Variants in CHST12 observed in about 807,000 individuals in gnomAD.
The protein encoded by CHST12 is carbohydrate (chondroitin 4) sulfotransferase 12.
A neutral mutation model predicts 27.9 loss-of-function variants in CHST12; 23 were observed. The observed-to-expected ratio is 0.82, with a 90% CI of 0.59 to 1.17. CHST12 has a LOEUF of 1.17. CHST12 is among the 50% of genes most tolerant of loss of function. The pLI is 0.00. For synonymous variants in CHST12, 322 were observed against 273.0 expected (o/e 1.18, Z -1.77); for missense variants, 682 against 603.0 (o/e 1.13, Z -1.37).
chr7:2,417,150 G>C (rs1409399873), intron 1 of CHST12, among the ~76,000 whole-genome samples: 1 of 152,016 alleles, frequency 6.6e-6, no homozygotes, highest in East Asian at 1.9e-4. Flanking sequence ...TCCAGTCTGA[G>C]ACGGAGTCCA....
chr7:2,417,005 T>C (rs984741152), intron 1 of CHST12, among the ~76,000 whole-genome samples: 1 of 152,214 alleles, frequency 6.6e-6, no homozygotes, highest in African/African-American at 2.4e-5. Flanking sequence ...ACTTTCCCTT[T>C]AGCTTGGTGA....
chr7:2,433,757 C>T lies in CHST12; in HGVS notation c.1118C>T (p.Ala373Val), dbSNP rs1365891956. Residue 373 changes from alanine (A) to valine (V), a missense_variant, in exon 2 of 2, where the codon GCC becomes GTC. Ala to Val is a moderately conservative substitution (Grantham distance 64). Transcript: ENST00000618655. The surrounding 1 kb of genome is among the most constrained non-coding windows in gnomAD (Gnocchi z 6.1). Reference sequence around the variant, plus strand: ...CCCCCGAGCTACCGGAACAGGACCGCCAGCAGCTGGGAGGAGGACTGGTTC... The same window carrying T: ...CCCCCGAGCTACCGGAACAGGACCGTCAGCAGCTGGGAGGAGGACTGGTTC... Reference protein sequence around the residue: ...RFPPSYRNRTASSWEEDWFAK... With the variant: ...RFPPSYRNRTVSSWEEDWFAK... 1 of 1,614,008 alleles carries T rather than the reference C, an allele frequency of 6.2e-7. No homozygotes were observed. Among genetic ancestry groups the T allele is most frequent in the African/African-American group, 1.3e-5 (1 of 75,048 alleles).
At chr7:2,424,814 C>T (rs1782066662) in intron 1 of CHST12, among the ~76,000 whole-genome samples, 1 of 152,290 alleles carries the variant, frequency 6.6e-6, no homozygotes, top group Non-Finnish European at 1.5e-5. Flanking sequence ...CCACAGAGCT[C>T]CCCTTCCACA....
intron 1 of CHST12, among the ~76,000 whole-genome samples, chr7:2,405,790 A>G (rs550864519): frequency 6.6e-6 from 1 of 152,278 alleles, no homozygotes; most frequent in Non-Finnish European, 1.5e-5. Flanking sequence ...GTGGGAGAGG[A>G]AGGGCCACAC....
chr7:2,413,582 T>G (rs975755718), intron 1 of CHST12, among the ~76,000 whole-genome samples: 19 of 152,280 alleles, frequency 1.2e-4, no homozygotes, highest in East Asian at 1.9e-4. Flanking sequence ...AAATGTCATA[T>G]AAATGGAACC....
chr7:2,434,181 T>A lies in CHST12; in HGVS notation c.*297T>A. ...TGAGCGTGCGGGCGCCGGGAGGGGA[T>A]GCTGAGGCTGATGGAGCTGCCTCCA... On this transcript the variant is annotated 3_prime_UTR_variant, in exon 2 of 2. Coordinates refer to ENST00000618655, the MANE Select transcript of CHST12 (RefSeq NM_018641.5). 4.0e-6 allele frequency: 1 copy of A among 247,874 alleles called. No homozygotes were observed. 15.4% of individuals were successfully genotyped at this position (247,874 alleles called of 1,614,324 possible).
intron 1 of CHST12, 26 bp downstream of exon 1, chr7:2,403,699 T>C: frequency 6.7e-6 from 1 of 149,272 alleles, no homozygotes; most frequent in Non-Finnish European, 1.5e-5. Context: ...GGCGGCGGGC[T>C]CGGGGCGCGG....
Position 2,433,921 on chromosome 7 carries a change from C to A in CHST12, c.*37C>A, listed in dbSNP as rs1293976049. ...TTGCTTTTTCTCGCGTGCCTGGAAC[C>A]TGACGCACGCGCACTCCAGTTTTTT... On this transcript the variant is annotated 3_prime_UTR_variant, in exon 2 of 2. Coordinates refer to ENST00000618655, the MANE Select transcript of CHST12 (RefSeq NM_018641.5). This position sits in a 1 kb window ranked among gnomAD's most constrained non-coding sequence, Gnocchi z 6.1. 1 of 1,524,942 alleles carries A rather than the reference C, an allele frequency of 6.6e-7. No individual in the cohort carries two copies. The allele number at this position is 1,524,942 out of a possible 1,614,324, so 94.5% of individuals were successfully genotyped here. A position where few individuals can be genotyped will look rare whatever the true frequency, so the allele number is the denominator to read the frequency against.
intron 1 of CHST12, among the ~76,000 whole-genome samples, chr7:2,407,279 T>G (rs896948553): frequency 7.9e-5 from 12 of 151,224 alleles, no homozygotes; most frequent in African/African-American, 2.9e-4. Flanking sequence ...GACCCCCATC[T>G]CTACAACAAA....
At chr7:2,416,622 T>C (rs1388286425) in intron 1 of CHST12, among the ~76,000 whole-genome samples, 2 of 152,132 alleles carry the variant, frequency 1.3e-5, no homozygotes, top group Non-Finnish European at 1.5e-5. Flanking sequence ...TCTCAGTCGA[T>C]TTAGAGGTGT....
rs577634422 is a variant in CHST12 at position 2,429,601 on chromosome 7, T to C, written c.-77-2962T>C. 1.1e-3 allele frequency among the ~76,000 whole-genome samples: 164 copies of C among 152,270 alleles called. 10 individuals are homozygous for C. The highest frequency in any genetic ancestry group is 3.4e-3 in the Middle Eastern group (1 of 294). On this transcript the variant is annotated intron_variant, in intron 1 of 1. Coordinates refer to ENST00000618655, the MANE Select transcript of CHST12 (RefSeq NM_018641.5). ...ATTAGTATAGGATTATTCATTTTGGTAGTTTGTGGTTGTCAAGGAATTGGT... is the reference window on the plus strand; with the variant it reads ...ATTAGTATAGGATTATTCATTTTGGCAGTTTGTGGTTGTCAAGGAATTGGT...
chr7:2,422,172 C>G (rs961052167), intron 1 of CHST12, among the ~76,000 whole-genome samples: 2 of 152,148 alleles, frequency 1.3e-5, no homozygotes, highest in Admixed American at 1.3e-4. Flanking sequence ...CCTCGTTAGT[C>G]TTCATCTTAA....
chr7:2,433,234 C>G lies in CHST12; in HGVS notation c.595C>G (p.Pro199Ala). Reference protein sequence around the residue: ...LLHRGAPYRDPLRIPREHVHN... With the variant: ...LLHRGAPYRDALRIPREHVHN... ...GCACCGCGGTGCGCCCTACCGCGAC[C>G]CGCTGCGCATCCCGCGCGAGCACGT... Residue 199 changes from proline (P) to alanine (A), a missense_variant, in exon 2 of 2, where the codon CCG (proline) becomes GCG (alanine). Pro to Ala is a conservative substitution (Grantham distance 27). Coordinates refer to ENST00000618655, the MANE Select transcript of CHST12 (RefSeq NM_018641.5). This position sits in a 1 kb window ranked among gnomAD's most constrained non-coding sequence, Gnocchi z 6.1. 1 of 1,611,930 alleles carries G rather than the reference C, an allele frequency of 6.2e-7. No homozygotes were observed. Among genetic ancestry groups the G allele is most frequent in the South Asian group, 1.1e-5 (1 of 91,018 alleles).
chr7:2,405,687 T>C (rs953459920), intron 1 of CHST12, among the ~76,000 whole-genome samples: 1 of 152,084 alleles, frequency 6.6e-6, no homozygotes. Flanking sequence ...TGTTGCCAAA[T>C]CCACTGGGCG....
In CHST12 at chr7:2,433,718, G is replaced by A. The variant is rs947567953; in HGVS notation, c.1079G>A (p.Arg360Gln). 5 of 1,613,564 alleles carry A rather than the reference G, an allele frequency of 3.1e-6. No homozygotes were observed. The highest frequency in any genetic ancestry group is 1.3e-5 in the African/African-American group (1 of 75,046). The stretch of plus-strand genomic sequence containing the variant: ...CTGCTGCAGCTACTCCAGGTGGACC[G>A]GCAGCTCCGCTTCCCCCCGAGCTAC... ...AQLLQLLQVDRQLRFPPSYRN... is the reference protein window; with the variant it reads ...AQLLQLLQVDQQLRFPPSYRN... Residue 360 changes from arginine to glutamine, a missense_variant, in exon 2 of 2, where the codon CGG becomes CAG. Coordinates refer to ENST00000618655, the MANE Select transcript of CHST12 (RefSeq NM_018641.5). This position sits in a 1 kb window ranked among gnomAD's most constrained non-coding sequence, Gnocchi z 6.1.
intron 1 of CHST12, among the ~76,000 whole-genome samples, chr7:2,416,078 G>T (rs1194769371): frequency 6.6e-6 from 1 of 152,180 alleles, no homozygotes; most frequent in Non-Finnish European, 1.5e-5. Flanking sequence ...GCATTATCAT[G>T]TAAGTCTATG....
At chr7:2,412,759 C>G (rs1046518843) in intron 1 of CHST12, among the ~76,000 whole-genome samples, 1 of 152,340 alleles carries the variant, frequency 6.6e-6, no homozygotes, top group South Asian at 2.1e-4. Context: ...TTGTGCAAGT[C>G]TGTAGCTACT....
Position 2,447,522 on chromosome 7 carries a change from G to C in CHST12, c.*13638G>C, listed in dbSNP as rs1782784650. 1 of 152,288 alleles carries C rather than the reference G, an allele frequency of 6.6e-6. No individual in the cohort carries two copies. Among genetic ancestry groups the C allele is most frequent in the Non-Finnish European group, 1.5e-5 (1 of 68,124 alleles). The allele number at this position is 152,288 out of a possible 1,614,324, so 9.4% of individuals were successfully genotyped here. On this transcript the variant is annotated 3_prime_UTR_variant, in exon 2 of 2. Coordinates refer to ENST00000618655, the MANE Select transcript of CHST12 (RefSeq NM_018641.5). ...GAGTCTTGCTCTGTCGCCCAGGCTG[G>C]AGTGCAGTGGCACAATCTTAGCTCA...
At chr7:2,415,403 A>T (rs926997878) in intron 1 of CHST12, among the ~76,000 whole-genome samples, 4 of 152,030 alleles carry the variant, frequency 2.6e-5, no homozygotes, top group African/African-American at 9.7e-5. Context: ...ACTATACTGT[A>T]GTCTATTAAG....
Sources: gnomAD v4.1 joint callset for allele counts (sites outside exome capture counted in the v4.1 genomes callset) on GRCh38, gnomAD v4.1.1 for gene constraint, Gnocchi (gnomAD v3.1) non-coding constraint, MANE v1.5 for transcripts, NCBI Gene and HGNC (gene_info 2026-07-23, HGNC 2026-07-21) for gene names.